Variants in STAT2 observed in about 807,000 individuals in gnomAD.
STAT2 encodes the protein interferon alpha induced transcriptional activator.
In STAT2, 51 loss-of-function variants were observed where a neutral mutation model predicts 122.3. The observed-to-expected ratio is 0.42, with a 90% CI of 0.33 to 0.53. The LOEUF is 0.53. Among genes scored for constraint, STAT2 ranks in the 20% least tolerant of loss-of-function variants. The pLI, the probability that STAT2 is intolerant of heterozygous loss-of-function variation, is 0.10. For synonymous variants in STAT2, 351 were observed against 394.9 expected (o/e 0.89, Z 1.32); for missense variants, 736 against 1,010.3 (o/e 0.73, Z 3.68).
At chr12:56,343,562 C>G (rs1020264937) in intron 23 of STAT2, 31 bp from the exon 24 acceptor site, 1 of 1,605,452 alleles carries the variant, frequency 6.2e-7, no homozygotes, top group Non-Finnish European at 8.5e-7. Context: ...AGTGAGGCCC[C>G]GATCTTAGTT....
At chr12:56,347,393 G>A (rs776444207) in intron 19 of STAT2, among the ~76,000 whole-genome samples, 17 of 151,948 alleles carry the variant, frequency 1.1e-4, no homozygotes, top group South Asian at 1.0e-3. Context: ...GTTTCACCAC[G>A]TGGCCCAGGG....
rs774007338 is a variant in STAT2, at chr12:56,354,488, C to T, written c.760G>A (p.Gly254Arg). The change falls in exon 8 of 24, where the codon GGG becomes AGG. Residue 254 changes from glycine (G) to arginine (R), a missense_variant. Physicochemically the swap from Gly to Arg is moderately radical, Grantham distance 125. Coordinates refer to ENST00000314128, the MANE Select transcript of STAT2 (RefSeq NM_005419.4). The stretch of plus-strand genomic sequence containing the variant: ...CACCATGTCTCCAGCTGTTCCAACC[C>T]GTGGTCAATGGGAGCTCTGATGCAG... ...KACIRAPIDH[G>R]LEQLETWFTA... is the part of the protein sequence containing the mutation. 1.9e-5 allele frequency: 31 copies of T among 1,614,058 alleles called. No individual in the cohort carries two copies. The highest frequency in any genetic ancestry group is 2.5e-5 in the Non-Finnish European group (29 of 1,180,044).
rs1278228607 is a variant in STAT2, at chr12:56,355,324, T to C, written c.499A>G (p.Lys167Glu). The C allele has an allele frequency of 1.2e-6, 2 of 1,614,166 alleles. No homozygotes were observed. Among genetic ancestry groups the C allele is most frequent in the Non-Finnish European group, 1.7e-6 (2 of 1,180,028 alleles). Residue 167 changes from lysine to glutamate, a missense_variant, in exon 6 of 24, where the codon AAA becomes GAA. Transcript: ENST00000314128. ...EKLVKSISQL[K>E]DQQDVFCFRY... ...AAGCAGAAGACATCCTGCTGGTCTT[T>C]CAGTTGGCTGATGGATTTTACCAGC...
chr12:56,343,635 G>A (rs907295788), intron 23 of STAT2, 104 bp from the exon 24 acceptor site: 1 of 1,533,920 alleles, frequency 6.5e-7, no homozygotes, highest in Non-Finnish European at 8.8e-7. Context: ...GGAAGAGCCT[G>A]AGTGGGAACT....
chr12:56,350,940 T>G, intron 10 of STAT2, 52 bp from the exon 11 acceptor site: 2 of 1,596,450 alleles, frequency 1.3e-6, no homozygotes, highest in Non-Finnish European at 1.7e-6. Context: ...ACCTTCCGGA[T>G]AGACTAGATG....
intron 8 of STAT2, among the ~76,000 whole-genome samples, chr12:56,352,141 C>T (rs1592480374): frequency 6.6e-6 from 1 of 151,960 alleles, no homozygotes; most frequent in African/African-American, 2.4e-5. Context: ...TCAGGTGATC[C>T]GCCCACCTTG....
At position 56,356,300 on chromosome 12, in the gene STAT2, TAAG is replaced by T. The variant is rs1471759156; in HGVS notation, c.132-18_132-16del. 2 of 1,610,152 alleles carry T rather than the reference TAAG, an allele frequency of 1.2e-6. No individual in the cohort carries two copies. The highest frequency in any genetic ancestry group is 1.7e-6 in the Non-Finnish European group (2 of 1,179,736). On this transcript the variant is annotated splice_polypyrimidine_tract_variant and intron_variant, in intron 2 of 23. Transcript: ENST00000314128. Reference sequence around the variant, plus strand: ...CAGCTTCCTGCCTGGGCACCAGGAATAAGAAGTATTAGTGTCTCTGCAGTGTTA... The same window carrying T: ...CAGCTTCCTGCCTGGGCACCAGGAATAAGTATTAGTGTCTCTGCAGTGTTA...
intron 19 of STAT2, 40 bp from the exon 20 acceptor site, chr12:56,346,995 C>G (rs1200769123): frequency 6.2e-7 from 1 of 1,604,390 alleles, no homozygotes; most frequent in South Asian, 1.1e-5. Flanking sequence ...CGCCCAACAC[C>G]CTGCCCCACC....
intron 20 of STAT2, 26 bp from the exon 21 acceptor site, chr12:56,346,650 G>C: frequency 6.2e-7 from 1 of 1,612,582 alleles, no homozygotes. Flanking sequence ...AGGAACAGGC[G>C]GGCTTGAGGG....
At position 56,355,313 on chromosome 12, in the gene STAT2, C is replaced by T. The variant is rs1879335566; in HGVS notation, c.510G>A (p.Gln170=). 1 of 1,614,208 alleles carries T rather than the reference C, an allele frequency of 6.2e-7. No individual in the cohort carries two copies. The highest frequency in any genetic ancestry group is 8.5e-7 in the Non-Finnish European group (1 of 1,180,040). The part of the protein sequence containing the change: ...VKSISQLKDQ[Q]DVFCFRYKIQ... Reference sequence around the variant, plus strand: ...TCTTATATCGGAAGCAGAAGACATCCTGCTGGTCTTTCAGTTGGCTGATGG... The same window carrying T: ...TCTTATATCGGAAGCAGAAGACATCTTGCTGGTCTTTCAGTTGGCTGATGG... Residue 170 remains glutamine (Q), a synonymous_variant, in exon 6 of 24, where the codon CAG becomes CAA. Coordinates refer to ENST00000314128, the MANE Select transcript of STAT2 (RefSeq NM_005419.4).
In STAT2 at chr12:56,349,052, T is replaced by A; in HGVS notation, c.1448A>T (p.Gln483Leu). 1 of 1,613,108 alleles carries A rather than the reference T, an allele frequency of 6.2e-7. No individual in the cohort carries two copies. Among genetic ancestry groups the A allele is most frequent in the Non-Finnish European group, 8.5e-7 (1 of 1,179,446 alleles). The change falls in exon 17 of 24, where the codon CAG becomes CTG. Residue 483 changes from glutamine (Q) to leucine (L), a missense_variant. Gln to Leu is a moderately radical substitution (Grantham distance 113, BLOSUM62 -2). Transcript: ENST00000314128. ...NLLSPNLQNQ[Q>L]FFSNPPKAPW... The stretch of plus-strand genomic sequence containing the variant: ...GGCCTTGGGGGGGTTGGAGAAGAAC[T>A]GCTGGTTCTGCAGGGGTGGGAGCAG...
intron 8 of STAT2, among the ~76,000 whole-genome samples, chr12:56,353,015 G>A (rs571312676): frequency 3.0e-3 from 445 of 147,988 alleles, no homozygotes; most frequent in Admixed American, 4.8e-3. Flanking sequence ...ACGGAGTCTC[G>A]CTCTGTCACC....
In STAT2 at chr12:56,348,923, C is replaced by G; in HGVS notation, c.1576+1G>C. The G allele has an allele frequency of 6.2e-7, 1 of 1,613,224 alleles. No homozygotes were observed. Among genetic ancestry groups the G allele is most frequent in the Non-Finnish European group, 8.5e-7 (1 of 1,179,530 alleles). On this transcript the variant is annotated splice_donor_variant, in intron 17 of 23. Coordinates refer to ENST00000314128, the MANE Select transcript of STAT2 (RefSeq NM_005419.4). LOFTEE classifies it high-confidence loss of function. ...AGGCTGAGAGAAAAGGAAATCTGTA[C>G]CGAACAGCTTGTTTCTCAGCATGCT...
chr12:56,356,008 C>T, intron 3 of STAT2, 124 bp downstream of exon 3: 10 of 1,405,520 alleles, frequency 7.1e-6, no homozygotes, highest in Non-Finnish European at 9.7e-6. Context: ...CAGACTCTGT[C>T]CTCCTTTCCC....
At chr12:56,355,633 G>T in intron 4 of STAT2, 75 bp downstream of exon 4, 4 of 1,595,470 alleles carry the variant, frequency 2.5e-6, no homozygotes, top group South Asian at 1.1e-5. Flanking sequence ...CCTGTTCTGA[G>T]ACAACTCCCT....
At chr12:56,346,401 A>G in intron 21 of STAT2, 41 bp downstream of exon 21, 1 of 1,610,582 alleles carries the variant, frequency 6.2e-7, no homozygotes, top group Middle Eastern at 1.7e-4. Flanking sequence ...TGTCTGGTAG[A>G]TCTCTGCAAT....
At chr12:56,348,091 T>G (rs866380798) in intron 19 of STAT2, among the ~76,000 whole-genome samples, 39 of 148,586 alleles carry the variant, frequency 2.6e-4, no homozygotes, top group Middle Eastern at 3.4e-3. Context: ...TTGGTTGTTT[T>G]TTTTTTTTTT....
At position 56,356,262 on chromosome 12, in the gene STAT2, T is replaced by A. The variant is rs1879495198; in HGVS notation, c.155A>T (p.Asp52Val). 1 of 1,612,106 alleles carries A rather than the reference T, an allele frequency of 6.2e-7. No homozygotes were observed. Among genetic ancestry groups the A allele is most frequent in the South Asian group, 1.1e-5 (1 of 91,084 alleles). The change falls in exon 3 of 24, where the codon GAT becomes GTT. Residue 52 changes from aspartate (D) to valine (V), a missense_variant. Coordinates refer to ENST00000314128, the MANE Select transcript of STAT2 (RefSeq NM_005419.4). ...GAATAGCATGGTAGCCTTGGAATCA[T>A]CACTCCCAAGTGCAGCTTCCTGCCT... ...QNWQEAALGS[D>V]DSKATMLFFH...
At chr12:56,350,309 C>T in intron 12 of STAT2, 103 bp downstream of exon 12, 1 of 1,451,368 alleles carries the variant, frequency 6.9e-7, no homozygotes, top group Non-Finnish European at 9.5e-7. Flanking sequence ...TTGTCCATAT[C>T]CCAAATCCCC....
Sources: gnomAD v4.1 joint callset for allele counts (sites outside exome capture counted in the v4.1 genomes callset) on GRCh38, gnomAD v4.1.1 for gene constraint, MANE v1.5 for transcripts, NCBI Gene and HGNC (gene_info 2026-07-23, HGNC 2026-07-21) for gene names.